Variants in MDM1 observed in about 807,000 individuals in gnomAD.
MDM1 encodes the protein Mdm1 nuclear protein.
In MDM1, 61 loss-of-function variants were observed where a neutral mutation model predicts 89.1. The ratio of observed to expected loss-of-function variants is 0.68; its 90% CI spans 0.56 to 0.85. MDM1 has a LOEUF of 0.85. Ranked by LOEUF, MDM1 falls within the 40% of genes least tolerant of loss-of-function variation. MDM1 has a pLI of 0.00. For missense variants in MDM1, 820 were observed against 846.5 expected, an observed-to-expected ratio of 0.97 and a Z score of 0.39; for synonymous variants, 290 against 294.1, an observed-to-expected ratio of 0.99 and a Z score of 0.14.
chr12:68,324,028 C>T (rs1205205402), intron 4 of MDM1, among the ~76,000 whole-genome samples: 1 of 152,140 alleles, frequency 6.6e-6, no homozygotes, highest in Non-Finnish European at 1.5e-5. Flanking sequence ...TTCCTATCAA[C>T]AAGCATTGAA....
intron 1 of MDM1, chr12:68,331,982 A>T: frequency 2.9e-6 from 2 of 697,584 alleles, no homozygotes; most frequent in Non-Finnish European, 2.6e-6. Context: ...GAGTCCCCCT[A>T]AGTAAATGTG....
At chr12:68,309,527 G>T (rs1873400494) in intron 12 of MDM1, among the ~76,000 whole-genome samples, 1 of 152,126 alleles carries the variant, frequency 6.6e-6, no homozygotes, top group African/African-American at 2.4e-5. Context: ...TATGTACCAT[G>T]TCTGTTTCTA....
intron 12 of MDM1, among the ~76,000 whole-genome samples, chr12:68,309,386 A>G (rs1873375576): frequency 6.6e-6 from 1 of 152,238 alleles, no homozygotes; most frequent in African/African-American, 2.4e-5. Flanking sequence ...TCTGATCTCC[A>G]TGATTAGAAC....
intron 12 of MDM1, among the ~76,000 whole-genome samples, chr12:68,307,857 G>A (rs1408381136): frequency 6.7e-6 from 1 of 148,780 alleles, no homozygotes; most frequent in Non-Finnish European, 1.5e-5. Context: ...AGAACTGCTT[G>A]AGCCTGGAAG....
intron 13 of MDM1, among the ~76,000 whole-genome samples, chr12:68,299,291 T>G (rs951117082): frequency 1.3e-5 from 2 of 151,954 alleles, no homozygotes; most frequent in African/African-American, 2.4e-5. Context: ...CAAACCAAGA[T>G]GAAATCTTTG....
At chr12:68,309,841 G>T (rs1043314006) in intron 12 of MDM1, among the ~76,000 whole-genome samples, 2 of 152,218 alleles carry the variant, frequency 1.3e-5, no homozygotes, top group Non-Finnish European at 2.9e-5. Context: ...TAACCAAGGG[G>T]TAGACACTGG....
chr12:68,312,985 A>C (rs1416716458), intron 12 of MDM1, among the ~76,000 whole-genome samples: 1 of 152,118 alleles, frequency 6.6e-6, no homozygotes, highest in Non-Finnish European at 1.5e-5. Flanking sequence ...TGTTCACTTC[A>C]GCAGCTTTAT....
intron 14 of MDM1, among the ~76,000 whole-genome samples, chr12:68,295,716 G>A (rs549519425): frequency 6.6e-6 from 1 of 152,200 alleles, no homozygotes; most frequent in Non-Finnish European, 1.5e-5. Flanking sequence ...AAAAAGCACA[G>A]CTATTCTGAG....
At chr12:68,316,308 G>T in intron 8 of MDM1, 55 bp from the exon 9 acceptor site, 2 of 1,506,326 alleles carry the variant, frequency 1.3e-6, no homozygotes, top group Non-Finnish European at 1.8e-6. Context: ...TTTACAAACA[G>T]CACCAAGTAG....
chr12:68,315,231 G>C lies in MDM1; in HGVS notation c.1246C>G (p.Pro416Ala), dbSNP rs770631972. The change falls in exon 10 of 15, where the codon CCT (proline) becomes GCT (alanine). Residue 416 changes from proline to alanine, a missense_variant. Physicochemically the swap from Pro to Ala is conservative, Grantham distance 27. Transcript: ENST00000682720. ...CCTTTTTCTTCTGGTTCTGTAGAAG[G>C]ACATTTCTGCAAAGTCTTATGGCTT... ...PTSHKTLQKCPSTEPEEKGNI... is the reference protein window; with the variant it reads ...PTSHKTLQKCASTEPEEKGNI... The C allele has an allele frequency of 6.2e-7, 1 of 1,614,122 alleles. No individual in the cohort carries two copies. The highest frequency in any genetic ancestry group is 1.1e-5 in the South Asian group (1 of 91,074).
chr12:68,327,373 T>C, intron 2 of MDM1: 1 of 1,534,092 alleles, frequency 6.5e-7, no homozygotes, highest in Non-Finnish European at 8.7e-7. Context: ...TTTCCTGTGC[T>C]ACTTAACAGA....
rs186432385 is a variant in MDM1 at position 68,300,145 on chromosome 12, A to G, written c.2002+2475T>C. Among the ~76,000 whole-genome samples, 103 of 152,292 alleles carry G rather than the reference A, an allele frequency of 6.8e-4. No homozygotes were observed. The South Asian group carries it at 9.1e-3, about 13-fold the overall frequency. ...TTTTCAGACAAACAAATGCTGAGGA[A>G]TTTGTCACTACCAGACCAGCACTAC... is the stretch of plus-strand genomic sequence containing the variant. On this transcript the variant is annotated intron_variant, in intron 13 of 14. Transcript: ENST00000682720.
chr12:68,313,723 T>C lies in MDM1; in HGVS notation c.1560A>G (p.Gly520=), dbSNP rs374203156. The C allele has an allele frequency of 1.2e-6, 2 of 1,614,036 alleles. No individual in the cohort carries two copies. Among genetic ancestry groups the C allele is most frequent in the Non-Finnish European group, 1.7e-6 (2 of 1,179,976 alleles). ...TCAGCTTGGGAGTAGGAAGCCGGCC[T>C]CCTTTTTCTGAGGATACAGAAGAAT... The part of the protein sequence containing the change: ...GSDSSVSSEK[G]GRLPTPKLRE... Residue 520 remains glycine (G), a synonymous_variant, in exon 11 of 15, where the codon GGA becomes GGG. Coordinates refer to ENST00000682720, the MANE Select transcript of MDM1 (RefSeq NM_001354969.2).
rs1872929569 is a variant in MDM1 at position 68,306,677 on chromosome 12, GAGATATC to G, written c.1750-3812_1750-3806del. ...GAGAGATGCAAATCAAAACCATAAT[GAGATATC>G]ATCTCACACCAGTCAGAATGACTAT... is the stretch of plus-strand genomic sequence containing the variant. On this transcript the variant is annotated intron_variant, in intron 12 of 14. Transcript: ENST00000682720. 2.6e-5 allele frequency among the ~76,000 whole-genome samples: 4 copies of G among 152,182 alleles called. No individual in the cohort carries two copies. In the South Asian group the frequency reaches 8.3e-4, roughly 32 times the overall value.
rs375996285 is a variant in MDM1, at chr12:68,321,534, T to C, written c.896A>G (p.Gln299Arg). The change falls in exon 6 of 15, where the codon CAA (glutamine) becomes CGA (arginine). Residue 299 changes from glutamine to arginine, a missense_variant. Transcript: ENST00000682720. ...CTATTAAAATACATACCCAAGCCTT[T>C]GATGTTTCCAAGGAGTAAGCTTCCT... ...PKRKLTPWKH[Q>R]RLGKVNSEYR... 12 of 1,612,100 alleles carry C rather than the reference T, an allele frequency of 7.4e-6. No individual in the cohort carries two copies. Among genetic ancestry groups the C allele is most frequent in the Non-Finnish European group, 1.0e-5 (12 of 1,178,874 alleles).
intron 12 of MDM1, 115 bp from the exon 13 acceptor site, chr12:68,302,987 A>G (rs1238064425): frequency 2.3e-6 from 2 of 867,402 alleles, no homozygotes; most frequent in Non-Finnish European, 3.3e-6. Context: ...GAAATATGAG[A>G]GAATTTATGC....
At chr12:68,325,914 G>A (rs1238289285) in intron 3 of MDM1, 2 of 999,734 alleles carry the variant, frequency 2.0e-6, no homozygotes, top group Non-Finnish European at 1.2e-6. Flanking sequence ...CCTGCACACT[G>A]CTTCTATGAA....
chr12:68,327,152 A>G (rs1876122253), intron 2 of MDM1, 131 bp from the exon 3 acceptor site: 1 of 1,402,328 alleles, frequency 7.1e-7, no homozygotes, highest in African/African-American at 1.4e-5. Flanking sequence ...ATATACACAC[A>G]ATATCCTTCA....
At chr12:68,307,112 T>C (rs1565770171) in intron 12 of MDM1, among the ~76,000 whole-genome samples, 1 of 152,190 alleles carries the variant, frequency 6.6e-6, no homozygotes, top group Non-Finnish European at 1.5e-5. Flanking sequence ...AAATACTGCA[T>C]ATTCTCATTT....
Sources: allele counts gnomAD v4.1 joint callset (sites outside exome capture counted in the v4.1 genomes callset), GRCh38; gene constraint gnomAD v4.1.1; transcripts MANE v1.5; gene names NCBI Gene and HGNC (gene_info 2026-07-23, HGNC 2026-07-21).